The following TRMT9B variants were observed in gnomAD, a reference collection of about 807,000 sequenced individuals.
TRMT9B encodes the protein tRNA methyltransferase 9B (putative).
In TRMT9B, 16 loss-of-function variants were observed where a neutral mutation model predicts 11.5. That is an observed-to-expected ratio of 1.39 (90% CI 0.94 to 2.11). The LOEUF (loss-of-function observed/expected upper bound fraction) is 2.11. TRMT9B is among the 30% of genes most tolerant of loss of function. The probability of loss-of-function intolerance (pLI) is 0.00; values close to 1 mark genes in which losing one functional copy is unlikely to be tolerated. For missense variants in TRMT9B, 941 were observed against 553.8 expected, an observed-to-expected ratio of 1.70 and a Z score of -7.02; for synonymous variants, 274 against 192.4, an observed-to-expected ratio of 1.42 and a Z score of -3.51.
At chr8:12,967,382 C>A (rs1802962070) in intron 1 of TRMT9B, among the ~76,000 whole-genome samples, 3 of 152,206 alleles carry the variant, frequency 2.0e-5, no homozygotes, top group Admixed American at 6.5e-5. Context: ...TGAACTACTA[C>A]TACATCCTAT....
chr8:13,004,861 G>T (rs1364269126), intron 2 of TRMT9B, among the ~76,000 whole-genome samples: 1 of 152,024 alleles, frequency 6.6e-6, no homozygotes, highest in Non-Finnish European at 1.5e-5. Context: ...CTTTGGAAAG[G>T]GGAGGGAAGA....
intron 1 of TRMT9B, among the ~76,000 whole-genome samples, chr8:12,983,755 A>G (rs575571678): frequency 6.6e-6 from 1 of 152,224 alleles, no homozygotes; most frequent in African/African-American, 2.4e-5. Flanking sequence ...ACTGCTTCTG[A>G]TGTTGCTTCT....
intron 1 of TRMT9B, among the ~76,000 whole-genome samples, chr8:12,967,679 A>G (rs1803011944): frequency 6.6e-6 from 1 of 152,204 alleles, no homozygotes; most frequent in South Asian, 2.1e-4. Flanking sequence ...GTGAGTAGTC[A>G]CTTCCATAGT....
Position 13,022,707 on chromosome 8 carries a change from T to C in TRMT9B, c.*663T>C, listed in dbSNP as rs1408958509. 6.0e-6 allele frequency: 1 copy of C among 167,124 alleles called. No homozygotes were observed. The highest frequency in any genetic ancestry group is 2.4e-5 in the African/African-American group (1 of 41,460). The allele number at this position is 167,124 out of a possible 1,614,324, so 10.4% of individuals were successfully genotyped here. On this transcript the variant is annotated 3_prime_UTR_variant, in exon 5 of 5. Coordinates refer to ENST00000524591, the MANE Select transcript of TRMT9B (RefSeq NM_020844.3). ...GCCCAGGAGGTTTTTAAAGGCACTG[T>C]TAGGCTGAGCATGGTGGCTCATGCC...
At chr8:12,983,529 G>A (rs939625085) in intron 1 of TRMT9B, among the ~76,000 whole-genome samples, 1 of 152,164 alleles carries the variant, frequency 6.6e-6, no homozygotes, top group Non-Finnish European at 1.5e-5. Context: ...AATTAGCTGG[G>A]CGTTGTGGCA....
intron 1 of TRMT9B, among the ~76,000 whole-genome samples, chr8:12,955,422 C>T (rs1018299084): frequency 6.6e-6 from 1 of 152,040 alleles, no homozygotes; most frequent in Admixed American, 6.6e-5. Flanking sequence ...TTCCCCGTTC[C>T]CTCCTATCCT....
At chr8:12,991,922 ACT>A (rs924581670) in intron 2 of TRMT9B, among the ~76,000 whole-genome samples, 2 of 152,128 alleles carry the variant, frequency 1.3e-5, no homozygotes, top group Non-Finnish European at 2.9e-5. Flanking sequence ...CAAGAGCAAG[ACT>A]CTGTCTCAAA....
chr8:12,963,853 C>T (rs926606731), intron 1 of TRMT9B, among the ~76,000 whole-genome samples: 4 of 152,234 alleles, frequency 2.6e-5, no homozygotes, highest in African/African-American at 7.2e-5. Context: ...TTAAACTAGG[C>T]TGCAGCGTGG....
In TRMT9B at chr8:13,024,686, T is replaced by C. The variant is rs887169726; in HGVS notation, c.*2642T>C. ...CACACCACTTTGTATGAAAGGGTTC[T>C]CTAGAACGGTTCTTTGGAGAGAAAT... On this transcript the variant is annotated 3_prime_UTR_variant, in exon 5 of 5. Coordinates refer to ENST00000524591, the MANE Select transcript of TRMT9B (RefSeq NM_020844.3). The C allele has an allele frequency of 1.8e-5, 3 of 167,080 alleles. No individual in the cohort carries two copies. The highest frequency in any genetic ancestry group is 6.5e-5 in the Admixed American group (1 of 15,286). The allele number at this position is 167,080 out of a possible 1,614,324, so 10.3% of individuals were successfully genotyped here. A position where few individuals can be genotyped will look rare whatever the true frequency, so the allele number is the denominator to read the frequency against.
chr8:12,994,725 C>T (rs1013854020), intron 2 of TRMT9B, among the ~76,000 whole-genome samples: 12 of 152,112 alleles, frequency 7.9e-5, no homozygotes, highest in Admixed American at 7.9e-4. Flanking sequence ...CCTGTTGCCC[C>T]GGCTGGAGTG....
chr8:12,961,286 C>G lies in TRMT9B; in HGVS notation c.-200+15320C>G, dbSNP rs538316641. 2.8e-4 allele frequency among the ~76,000 whole-genome samples: 43 copies of G among 152,186 alleles called. 1 individual carries two copies. Among genetic ancestry groups the G allele is most frequent in the African/African-American group, 8.2e-4 (34 of 41,522 alleles). ...ACGAATGTTAGTTAATAATAAATAT[C>G]AATAGTGGTTCATCAGTTGTAACCC... On this transcript the variant is annotated intron_variant, in intron 1 of 4. Transcript: ENST00000524591.
Position 12,956,898 on chromosome 8 carries a change from G to T in TRMT9B, c.-200+10932G>T, listed in dbSNP as rs567612808. ...ATTGGATCTCTTCTATTTTTAAGCA[G>T]TAAATTACCAGTTTATTTGCACTCA... On this transcript the variant is annotated intron_variant, in intron 1 of 4. Transcript: ENST00000524591. 2.0e-5 allele frequency among the ~76,000 whole-genome samples: 3 copies of T among 152,188 alleles called. No individual in the cohort carries two copies. In the East Asian group the frequency reaches 5.8e-4, roughly 29 times the overall value.
intron 1 of TRMT9B, among the ~76,000 whole-genome samples, chr8:12,973,053 C>G (rs962776244): frequency 1.3e-5 from 2 of 152,096 alleles, no homozygotes; most frequent in African/African-American, 4.8e-5. Context: ...GCTGACTGTT[C>G]CAGGAACCTC....
intron 4 of TRMT9B, among the ~76,000 whole-genome samples, chr8:13,020,727 A>G (rs2128902621): frequency 6.6e-6 from 1 of 152,370 alleles, no homozygotes; most frequent in South Asian, 2.1e-4. Flanking sequence ...TATGGACTCT[A>G]GACTTCTTCT....
intron 2 of TRMT9B, among the ~76,000 whole-genome samples, chr8:13,004,920 C>T (rs1810154593): frequency 6.6e-6 from 1 of 151,888 alleles, no homozygotes; most frequent in African/African-American, 2.4e-5. Context: ...AGCCACAGTA[C>T]ACTAGAACAC....
intron 4 of TRMT9B, among the ~76,000 whole-genome samples, chr8:13,013,756 G>A (rs549056501): frequency 6.6e-6 from 1 of 152,098 alleles, no homozygotes; most frequent in Admixed American, 6.5e-5. Flanking sequence ...ATCGAGACCA[G>A]CCTGGCCAAC....
At chr8:12,977,258 C>G (rs992955089) in intron 1 of TRMT9B, among the ~76,000 whole-genome samples, 3 of 152,122 alleles carry the variant, frequency 2.0e-5, no homozygotes, top group Non-Finnish European at 2.9e-5. Context: ...CGATGGAGCA[C>G]TCAGCAGTGC....
chr8:13,015,542 G>A (rs2460337), intron 4 of TRMT9B, among the ~76,000 whole-genome samples: 9,650 of 145,656 alleles, frequency 0.066, 376 homozygotes, highest in African/African-American at 0.11. Flanking sequence ...TTTTTGTAGA[G>A]ATGGGGTTGC....
At position 13,006,665 on chromosome 8, in the gene TRMT9B, T is replaced by C. The variant is rs897167466; in HGVS notation, c.154+309T>C. ...GCAAGTAAAAAACTTTCTCAAACTT[T>C]TATTTTATTTTTATTCTTTTGAGAT... On this transcript the variant is annotated intron_variant, in intron 3 of 4. Transcript: ENST00000524591. 5 of 1,350,238 alleles carry C rather than the reference T, an allele frequency of 3.7e-6. No homozygotes were observed. The African/African-American group carries it at 4.4e-5, about 12-fold the overall frequency. 83.6% of individuals were successfully genotyped at this position (1,350,238 alleles called of 1,614,324 possible). A position where few individuals can be genotyped will look rare whatever the true frequency, so the allele number is the denominator to read the frequency against.
Sources: allele counts gnomAD v4.1 joint callset (sites outside exome capture counted in the v4.1 genomes callset), GRCh38; gene constraint gnomAD v4.1.1; transcripts MANE v1.5; gene names NCBI Gene and HGNC (gene_info 2026-07-23, HGNC 2026-07-21).